GOLGB1: variants seen among roughly 807,000 people sequenced by gnomAD.
The protein encoded by GOLGB1 is golgin subfamily B member 1.
In GOLGB1, 174 loss-of-function variants were observed where a neutral mutation model predicts 336.9. That is an observed-to-expected ratio of 0.52 (90% CI 0.46 to 0.59). The LOEUF (loss-of-function observed/expected upper bound fraction) is 0.59, where lower values mean the gene tolerates loss of function less well. GOLGB1 is among the 20% of genes least tolerant of loss of function. The pLI is 0.00. For synonymous variants in GOLGB1, 1,208 were observed against 1,289.2 expected, an observed-to-expected ratio of 0.94 and a Z score of 1.35; for missense variants, 3,331 against 3,645.3, an observed-to-expected ratio of 0.91 and a Z score of 2.22.
intron 3 of GOLGB1, 24 bp from the exon 4 acceptor site, chr3:121,729,364 A>T (rs1295982631): frequency 6.3e-7 from 1 of 1,588,164 alleles, no homozygotes; most frequent in East Asian, 2.2e-5. Flanking sequence ...ATGATGGTAA[A>T]TACATAAATG....
chr3:121,684,226 AT>A (rs1941476491), intron 14 of GOLGB1, among the ~76,000 whole-genome samples: 1 of 149,552 alleles, frequency 6.7e-6, no homozygotes, highest in African/African-American at 2.4e-5. Context: ...AATGAAAAAA[AT>A]GTTGGAATCA....
chr3:121,742,552 G>A (rs539902021), intron 1 of GOLGB1, among the ~76,000 whole-genome samples: 31 of 152,262 alleles, frequency 2.0e-4, no homozygotes, highest in African/African-American at 7.2e-4. Context: ...CAGGACATAG[G>A]CATGGGCAAA....
Position 121,690,857 on chromosome 3 carries a change from A to G in GOLGB1, c.8507T>C (p.Val2836Ala), listed in dbSNP as rs112497822. ...SSQLEDSYNQ[V>A]QSFSKAMASL... ...GGCCATAGCCTTGGAAAAGGACTGCACTTGGTTATAAGAATCTTCTAGTTG... is the reference window on the plus strand; with the variant it reads ...GGCCATAGCCTTGGAAAAGGACTGCGCTTGGTTATAAGAATCTTCTAGTTG... Residue 2836 changes from valine (V) to alanine (A), a missense_variant, in exon 14 of 22, where the codon GTG (valine) becomes GCG (alanine). By Grantham distance (64) the Val-to-Ala change is moderately conservative. Transcript: ENST00000614479. 2.5e-6 allele frequency: 4 copies of G among 1,613,934 alleles called. No individual in the cohort carries two copies. The highest frequency in any genetic ancestry group is 3.4e-6 in the Non-Finnish European group (4 of 1,179,864).
chr3:121,704,781 A>C (rs1028263092), intron 10 of GOLGB1, among the ~76,000 whole-genome samples: 3 of 151,634 alleles, frequency 2.0e-5, no homozygotes, highest in African/African-American at 7.3e-5. Context: ...CATCTCAAAA[A>C]AAAAAAAAAA....
intron 14 of GOLGB1, among the ~76,000 whole-genome samples, chr3:121,690,412 A>G (rs1942298810): frequency 6.6e-6 from 1 of 152,128 alleles, no homozygotes; most frequent in Non-Finnish European, 1.5e-5. Flanking sequence ...TCCACCTCTT[A>G]GTCCTTTTAT....
chr3:121,692,603 T>C (rs747316131), intron 13 of GOLGB1, 22 bp from the exon 14 acceptor site: 3 of 1,398,458 alleles, frequency 2.1e-6, no homozygotes, highest in South Asian at 2.7e-5. Context: ...AGAAGGTCAT[T>C]AGTTACAGAT....
In GOLGB1 at chr3:121,697,948, C is replaced by A. The variant is rs947612956; in HGVS notation, c.2575G>T (p.Val859Leu). 17 of 1,614,024 alleles carry A rather than the reference C, an allele frequency of 1.1e-5. No homozygotes were observed. In the Admixed American group the frequency reaches 2.5e-4, roughly 24 times the overall value. The change falls in exon 13 of 22, where the codon GTA becomes TTA. Residue 859 changes from valine to leucine, a missense_variant. Physicochemically the swap from Val to Leu is conservative, Grantham distance 32. Coordinates refer to ENST00000614479, the MANE Select transcript of GOLGB1 (RefSeq NM_001366282.2). ...ESEVLEGAER[V>L]RHISSKVEEL... ...TCCACTTTACTTGAGATATGCCTTA[C>A]ACGTTCTGCCCCCTCAAGCACTTCA...
intron 2 of GOLGB1, 112 bp downstream of exon 2, chr3:121,730,764 C>T (rs932639283): frequency 1.9e-5 from 19 of 987,394 alleles, no homozygotes; most frequent in East Asian, 8.6e-5. Context: ...TCTTAATCCT[C>T]GCTTCACCTA....
chr3:121,667,908 ATTG>A (rs1938866907), intron 19 of GOLGB1, among the ~76,000 whole-genome samples, 150 bp downstream of exon 19: 1 of 152,190 alleles, frequency 6.6e-6, no homozygotes, highest in Admixed American at 6.5e-5. Context: ...GTTAGTTATT[ATTG>A]TTACTATTTG....
rs772526014 is a variant in GOLGB1, at chr3:121,698,299, T to C, written c.2224A>G (p.Ser742Gly). Residue 742 changes from serine (S) to glycine (G), a missense_variant, in exon 13 of 22, where the codon AGT (serine) becomes GGT (glycine). Physicochemically the swap from Ser to Gly is moderately conservative, Grantham distance 56. Coordinates refer to ENST00000614479, the MANE Select transcript of GOLGB1 (RefSeq NM_001366282.2). ...EFKKNADNNSSAFTALSEERD... is the reference protein window; with the variant it reads ...EFKKNADNNSGAFTALSEERD... ...TCTTCAGACAAAGCAGTGAATGCACTGCTGTTGTTGTCAGCATTTTTCTTA... is the reference window on the plus strand; with the variant it reads ...TCTTCAGACAAAGCAGTGAATGCACCGCTGTTGTTGTCAGCATTTTTCTTA... The C allele has an allele frequency of 4.3e-6, 7 of 1,614,050 alleles. No homozygotes were observed. The highest frequency in any genetic ancestry group is 3.3e-5 in the Admixed American group (2 of 60,010).
rs2107824057 is a variant in GOLGB1, at chr3:121,694,980, T to A, written c.5543A>T (p.Asp1848Val). ...TCCAGCAATTCTTTCTTTGAGCTGATCAATCTGCTGTAGGTAGTTATTAAT... is the reference window on the plus strand; with the variant it reads ...TCCAGCAATTCTTTCTTTGAGCTGAACAATCTGCTGTAGGTAGTTATTAAT... Reference protein sequence around the residue: ...DEINNYLQQIDQLKERIAGLE... With the variant: ...DEINNYLQQIVQLKERIAGLE... The change falls in exon 13 of 22, where the codon GAT (aspartate) becomes GTT (valine). Residue 1848 changes from aspartate (D) to valine (V), a missense_variant. Physicochemically the swap from Asp to Val is radical, Grantham distance 152 (BLOSUM62 -3). Coordinates refer to ENST00000614479, the MANE Select transcript of GOLGB1 (RefSeq NM_001366282.2). 6.2e-7 allele frequency: 1 copy of A among 1,614,110 alleles called. No individual in the cohort carries two copies. Among genetic ancestry groups the A allele is most frequent in the South Asian group, 1.1e-5 (1 of 91,084 alleles).
chr3:121,728,103 C>T (rs1945812307), intron 4 of GOLGB1, among the ~76,000 whole-genome samples: 1 of 151,978 alleles, frequency 6.6e-6, no homozygotes, highest in Non-Finnish European at 1.5e-5. Context: ...GGTGCTACCA[C>T]AGTGAGGGGA....
chr3:121,697,359 C>A lies in GOLGB1; in HGVS notation c.3164G>T (p.Cys1055Phe). ...TATTTCTTGGCACTTAGAAGTCACA[C>A]ATTTTTCTGAGTATTCTTTGTTTTC... ...DKENKEYSEK[C>F]VTSKCQEIEI... is the part of the protein sequence containing the mutation. The change falls in exon 13 of 22, where the codon TGT becomes TTT. Residue 1055 changes from cysteine (C) to phenylalanine (F), a missense_variant. Transcript: ENST00000614479. 3 of 1,613,718 alleles carry A rather than the reference C, an allele frequency of 1.9e-6. No individual in the cohort carries two copies. Among genetic ancestry groups the A allele is most frequent in the Non-Finnish European group, 2.5e-6 (3 of 1,179,806 alleles).
chr3:121,694,038 T>A lies in GOLGB1; in HGVS notation c.6485A>T (p.Glu2162Val), dbSNP rs116407164. The A allele has an allele frequency of 1.5e-5, 25 of 1,613,954 alleles. No individual in the cohort carries two copies. The African/African-American group carries it at 3.1e-4, about 20-fold the overall frequency. ...ALRREKVHLE[E>V]TIGEIQVTLN... The stretch of plus-strand genomic sequence containing the variant: ...AGTAACCTGAATCTCTCCAATTGTC[T>A]CTTCCAAGTGGACTTTTTCTCTGCG... Residue 2162 changes from glutamate to valine, a missense_variant, in exon 13 of 22, where the codon GAG becomes GTG. By Grantham distance (121) the Glu-to-Val change is moderately radical (BLOSUM62 -2). Coordinates refer to ENST00000614479, the MANE Select transcript of GOLGB1 (RefSeq NM_001366282.2).
Position 121,716,812 on chromosome 3 carries a change from C to A in GOLGB1, c.1213G>T (p.Asp405Tyr). Reference sequence around the variant, plus strand: ...TCTTGGAGAAGCTTTGAATTTTGATCCTTTAGAGCATCACAGGCAGACTGC... The same window carrying A: ...TCTTGGAGAAGCTTTGAATTTTGATACTTTAGAGCATCACAGGCAGACTGC... ...ELQSACDALK[D>Y]QNSKLLQDKN... The change falls in exon 9 of 22, where the codon GAT becomes TAT. Residue 405 changes from aspartate (D) to tyrosine (Y), a missense_variant. Physicochemically the swap from Asp to Tyr is radical, Grantham distance 160. Transcript: ENST00000614479. The A allele has an allele frequency of 6.2e-7, 1 of 1,613,260 alleles. No homozygotes were observed. The highest frequency in any genetic ancestry group is 8.5e-7 in the Non-Finnish European group (1 of 1,179,228).
chr3:121,670,762 G>GT (rs970469918), intron 17 of GOLGB1, among the ~76,000 whole-genome samples: 3 of 149,068 alleles, frequency 2.0e-5, no homozygotes, highest in East Asian at 2.1e-4. Flanking sequence ...TTTTGGGGGG[G>GT]GGGGTGTGGG....
rs1386710785 is a variant in GOLGB1 at position 121,717,093 on chromosome 3, A to C, written c.932T>G (p.Leu311Trp). 6.2e-7 allele frequency: 1 copy of C among 1,613,268 alleles called. No homozygotes were observed. The highest frequency in any genetic ancestry group is 1.3e-5 in the African/African-American group (1 of 75,030). Reference sequence around the variant, plus strand: ...TCTTTCTGTTTCCACAGTGTTCCTCAAAGTATTATGCTCAGCTTCCATCTG... The same window carrying C: ...TCTTTCTGTTTCCACAGTGTTCCTCCAAGTATTATGCTCAGCTTCCATCTG... Reference protein sequence around the residue: ...LQQMEAEHNTLRNTVETEREE... With the variant: ...LQQMEAEHNTWRNTVETEREE... The change falls in exon 9 of 22, where the codon TTG becomes TGG. Residue 311 changes from leucine to tryptophan, a missense_variant. By Grantham distance (61) the Leu-to-Trp change is moderately conservative. Coordinates refer to ENST00000614479, the MANE Select transcript of GOLGB1 (RefSeq NM_001366282.2).
At chr3:121,714,164 A>G (rs547099328) in intron 10 of GOLGB1, among the ~76,000 whole-genome samples, 2 of 152,344 alleles carry the variant, frequency 1.3e-5, no homozygotes, top group Non-Finnish European at 2.9e-5. Context: ...TAGCCCAGGA[A>G]TGACAGGACT....
At chr3:121,712,560 A>G (rs113999771) in intron 10 of GOLGB1, among the ~76,000 whole-genome samples, 2,593 of 152,332 alleles carry the variant, frequency 0.017, 41 homozygotes, top group Non-Finnish European at 0.03. Context: ...CACCAAACAT[A>G]TATGATAATA....
Sources: gnomAD v4.1 joint callset for allele counts (sites outside exome capture counted in the v4.1 genomes callset) on GRCh38, gnomAD v4.1.1 for gene constraint, MANE v1.5 for transcripts, NCBI Gene and HGNC (gene_info 2026-07-23, HGNC 2026-07-21) for gene names.